STAU2: variants seen among roughly 807,000 people sequenced by gnomAD.
STAU2 encodes staufen double-stranded RNA binding protein 2.
STAU2 carries 20 observed loss-of-function variants against 65.9 expected under a neutral mutation model. The ratio of observed to expected loss-of-function variants is 0.30; its 90% CI spans 0.21 to 0.44. The LOEUF (loss-of-function observed/expected upper bound fraction) is 0.44, where lower values mean the gene tolerates loss of function less well. Ranked by LOEUF, STAU2 falls within the 20% of genes least tolerant of loss-of-function variation. The pLI is 1.00. For synonymous variants in STAU2, 232 were observed against 233.9 expected (o/e 0.99, Z 0.07); for missense variants, 558 against 683.9 (o/e 0.82, Z 2.05).
At chr8:73,672,078 C>T (rs1563496835) in intron 6 of STAU2, 2 of 151,874 alleles carry the variant, frequency 1.3e-5, no homozygotes, top group East Asian at 1.9e-4. Context: ...CAAATGGCCA[C>T]TATATTAAGT....
At chr8:73,672,915 AC>A in intron 6 of STAU2, 191 bp downstream of exon 6, 3 of 446,308 alleles carry the variant, frequency 6.7e-6, no homozygotes, top group East Asian at 4.0e-5. Flanking sequence ...AAAAAAAAAA[AC>A]TAGTTCCTGA....
intron 13 of STAU2, among the ~76,000 whole-genome samples, chr8:73,514,480 C>T (rs1822596510): frequency 6.6e-6 from 1 of 152,208 alleles, no homozygotes; most frequent in African/African-American, 2.4e-5. Flanking sequence ...TCATTTATGT[C>T]TGGAACTCCC....
intron 12 of STAU2, among the ~76,000 whole-genome samples, chr8:73,581,695 C>A (rs1392391808): frequency 6.6e-6 from 1 of 152,142 alleles, no homozygotes; most frequent in African/African-American, 2.4e-5. Flanking sequence ...CCTATTTATA[C>A]AGGCCAAGGG....
intron 9 of STAU2, among the ~76,000 whole-genome samples, chr8:73,609,986 G>A (rs1374459857): frequency 6.6e-6 from 1 of 152,020 alleles, no homozygotes; most frequent in Non-Finnish European, 1.5e-5. Flanking sequence ...TGTACATTAA[G>A]AATTGCTTGG....
At chr8:73,431,737 G>A (rs1817311760) in intron 13 of STAU2, among the ~76,000 whole-genome samples, 1 of 152,164 alleles carries the variant, frequency 6.6e-6, no homozygotes, top group Admixed American at 6.5e-5. Context: ...TGTTGGCCTT[G>A]GTTTGCGCAC....
chr8:73,655,177 ATTTC>A (rs1816259704), intron 6 of STAU2, among the ~76,000 whole-genome samples: 2 of 152,212 alleles, frequency 1.3e-5, no homozygotes, highest in East Asian at 3.8e-4. Flanking sequence ...ATTCTTGCAT[ATTTC>A]TTCTTACAGC....
At position 73,517,732 on chromosome 8, in the gene STAU2, G is replaced by GA. The variant is rs1040508789; in HGVS notation, c.1530+34279dup. Among the ~76,000 whole-genome samples, 135 of 147,238 alleles carry GA rather than the reference G, an allele frequency of 9.2e-4. No individual in the cohort carries two copies. The South Asian group carries it at 0.019, about 20-fold the overall frequency. The stretch of plus-strand genomic sequence containing the variant: ...AAATAGCTGTTATTCATCATTTCAG[G>GA]AAAAAAAAAAGTGGGAGAAGGAAAG... On this transcript the variant is annotated intron_variant, in intron 13 of 14. Coordinates refer to ENST00000524300, the MANE Select transcript of STAU2 (RefSeq NM_001164380.2).
chr8:73,617,581 C>A (rs1310931636), intron 6 of STAU2, 130 bp from the exon 7 acceptor site: 25 of 879,426 alleles, frequency 2.8e-5, no homozygotes, highest in Non-Finnish European at 4.1e-5. Flanking sequence ...ACCTCAAAAA[C>A]ATACTTTTTT....
chr8:73,446,714 A>T (rs1476369227), intron 13 of STAU2, among the ~76,000 whole-genome samples: 1 of 151,994 alleles, frequency 6.6e-6, no homozygotes, highest in East Asian at 1.9e-4. Flanking sequence ...GCCTCAAGTG[A>T]TCCTCCTGTC....
intron 13 of STAU2, among the ~76,000 whole-genome samples, chr8:73,548,739 G>GTT (rs920748607): frequency 1.7e-4 from 26 of 152,086 alleles, no homozygotes; most frequent in African/African-American, 5.8e-4. Flanking sequence ...AACCTAGTTT[G>GTT]TTACACTATA....
chr8:73,574,010 C>A (rs1222040825), intron 12 of STAU2, among the ~76,000 whole-genome samples: 6 of 152,116 alleles, frequency 3.9e-5, no homozygotes, highest in Non-Finnish European at 8.8e-5. Flanking sequence ...ACCCATCTGA[C>A]AAAGGGCTGA....
intron 3 of STAU2, among the ~76,000 whole-genome samples, chr8:73,720,950 T>C (rs1183922131): frequency 6.6e-6 from 1 of 151,850 alleles, no homozygotes; most frequent in Non-Finnish European, 1.5e-5. Context: ...TCAGATACAA[T>C]TTTTTAATGA....
chr8:73,550,933 A>G (rs1046454868), intron 13 of STAU2: 1 of 984,978 alleles, frequency 1.0e-6, no homozygotes, highest in African/African-American at 1.7e-5. Context: ...AACTTGTAAA[A>G]TATTTATAAA....
chr8:73,465,737 T>C (rs1325954544), intron 13 of STAU2, among the ~76,000 whole-genome samples: 3 of 152,250 alleles, frequency 2.0e-5, no homozygotes, highest in African/African-American at 7.2e-5. Flanking sequence ...GATTAGACCA[T>C]ACAGGACTTG....
intron 13 of STAU2, among the ~76,000 whole-genome samples, chr8:73,529,874 G>A (rs891179524): frequency 6.6e-6 from 1 of 152,154 alleles, no homozygotes; most frequent in Admixed American, 6.5e-5. Context: ...TCTTAGCCAG[G>A]CACTTGGAAG....
At chr8:73,484,333 T>A (rs924329128) in intron 13 of STAU2, among the ~76,000 whole-genome samples, 1 of 152,146 alleles carries the variant, frequency 6.6e-6, no homozygotes, top group Non-Finnish European at 1.5e-5. Flanking sequence ...TAACGTAACA[T>A]CCTTGAAAGG....
chr8:73,610,726 A>G (rs1812388540), intron 9 of STAU2, among the ~76,000 whole-genome samples: 1 of 152,232 alleles, frequency 6.6e-6, no homozygotes, highest in Admixed American at 6.5e-5. Context: ...CTCTAAGATT[A>G]GAAAGCCTTC....
At chr8:73,599,198 G>C (rs909752919) in intron 10 of STAU2, among the ~76,000 whole-genome samples, 2 of 152,186 alleles carry the variant, frequency 1.3e-5, no homozygotes, top group African/African-American at 4.8e-5. Context: ...TTTTGAGGAA[G>C]AGCAAGGTGT....
intron 13 of STAU2, among the ~76,000 whole-genome samples, chr8:73,500,199 C>T (rs1433122755): frequency 6.6e-6 from 1 of 151,884 alleles, no homozygotes; most frequent in Admixed American, 6.6e-5. Context: ...TACCCAAATC[C>T]ACAGATGCTC....
Sources: allele counts gnomAD v4.1 joint callset (sites outside exome capture counted in the v4.1 genomes callset), GRCh38; gene constraint gnomAD v4.1.1; transcripts MANE v1.5; gene names NCBI Gene and HGNC (gene_info 2026-07-23, HGNC 2026-07-21).